Variants in ARHGEF9 observed in about 807,000 individuals in gnomAD.
ARHGEF9 encodes the protein Cdc42 guanine nucleotide exchange factor 9, also known as rho guanine nucleotide exchange factor 9.
ARHGEF9 carries 2 observed loss-of-function variants against 41.3 expected under a neutral mutation model. The ratio of observed to expected loss-of-function variants is 0.05; its 90% CI spans 0.02 to 0.15. ARHGEF9 has a LOEUF of 0.15. ARHGEF9 is among the 10% of genes least tolerant of loss of function. The pLI is 1.00. For synonymous variants in ARHGEF9, 160 were observed against 154.4 expected (o/e 1.04, Z -0.27); for missense variants, 225 against 424.7 (o/e 0.53, Z 4.13).
chrX:63,695,616 G>T (rs781908439), intron 4 of ARHGEF9, among the ~76,000 whole-genome samples: 3 of 111,740 alleles, frequency 2.7e-5, no homozygotes, highest in African/African-American at 9.8e-5. Flanking sequence ...AAGAGTTATC[G>T]TATCAGGCCT....
At position 63,638,135 on chromosome X, in the gene ARHGEF9, C is replaced by G. The variant is rs369081815; in HGVS notation, c.1465G>C (p.Val489Leu). 1.7e-5 allele frequency: 21 copies of G among 1,205,455 alleles called. No individual in the cohort carries two copies. The highest frequency in any genetic ancestry group is 1.9e-5 in the Non-Finnish European group (17 of 892,622). The change falls in exon 10 of 10, where the codon GTC (valine) becomes CTC (leucine). Residue 489 changes from valine to leucine, a missense_variant. This residue lies in a region of ARHGEF9 where 75 missense variants were observed against 113.2 expected (regional missense o/e 0.66). Transcript: ENST00000671741. ...TGCGACTGAGCGATGCCGTCGGGGA[C>G]CAGGTACTGGCCGTGGTTTAACGGG... ...QDPLNHGQYL[V>L]PDGIAQSQVF...
chrX:63,724,805 C>A, intron 1 of ARHGEF9, 94 bp from the exon 2 acceptor site: 2 of 899,851 alleles, frequency 2.2e-6, no homozygotes, highest in South Asian at 4.1e-5. Context: ...CAGAGAAACT[C>A]ATATACTCAA....
At chrX:63,644,167 CAA>C (rs35995120) in intron 8 of ARHGEF9, 119 bp from the exon 9 acceptor site, 1,980 of 345,237 alleles carry the variant, frequency 5.7e-3, no homozygotes, top group Middle Eastern at 0.012. Flanking sequence ...TCTTGAAATA[CAA>C]AAAAAAAAAA....
chrX:63,780,515 AT>A (rs1340990174), intron 1 of ARHGEF9, among the ~76,000 whole-genome samples: 14 of 111,128 alleles, frequency 1.3e-4, no homozygotes, highest in East Asian at 2.8e-4. Flanking sequence ...GCTATAGATA[AT>A]TTTTTTTAAG....
intron 1 of ARHGEF9, among the ~76,000 whole-genome samples, chrX:63,777,203 C>G (rs1172698882): frequency 4.5e-5 from 5 of 111,387 alleles, no homozygotes; most frequent in African/African-American, 1.6e-4. Flanking sequence ...GGGAAGCAAA[C>G]ACATCATTAT....
In ARHGEF9 at chrX:63,637,727, G is replaced by A. The variant is rs1385952608; in HGVS notation, c.*301C>T. 4.3e-6 allele frequency: 1 copy of A among 234,621 alleles called. No individual in the cohort carries two copies. Among genetic ancestry groups the A allele is most frequent in the African/African-American group, 2.9e-5 (1 of 34,826 alleles). The allele number at this position is 234,621 out of a possible 1,213,427, so 19.3% of individuals were successfully genotyped here. A position where few individuals can be genotyped will look rare whatever the true frequency, so the allele number is the denominator to read the frequency against. ...TGAAAGCAAAGGGAAGGGGGACAGG[G>A]TAAAAATGGAAAACTTTTAAGACGG... On this transcript the variant is annotated 3_prime_UTR_variant, in exon 10 of 10. Transcript: ENST00000671741.
chrX:63,713,881 C>T (rs2053122923), intron 2 of ARHGEF9, among the ~76,000 whole-genome samples: 1 of 111,266 alleles, frequency 9.0e-6, no homozygotes, highest in African/African-American at 3.3e-5. Flanking sequence ...AACTACTCCT[C>T]TACCCCTCAA....
chrX:63,659,756 A>G (rs782207271), intron 7 of ARHGEF9, among the ~76,000 whole-genome samples: 1 of 111,646 alleles, frequency 9.0e-6, no homozygotes, highest in Non-Finnish European at 1.9e-5. Context: ...AAGAACAACA[A>G]TAATAGCAAC....
chrX:63,751,839 C>T (rs1355694742), intron 1 of ARHGEF9, among the ~76,000 whole-genome samples: 1 of 110,061 alleles, frequency 9.1e-6, no homozygotes, highest in South Asian at 4.0e-4. Context: ...AGTGTGCTCC[C>T]CCCCACACAC....
At chrX:63,754,401 G>T in intron 1 of ARHGEF9, 1 of 1,183,730 alleles carries the variant, frequency 8.4e-7, no homozygotes, top group Non-Finnish European at 1.1e-6. Flanking sequence ...CCCTGTCTCT[G>T]TCTGTGATTT....
Position 63,752,723 on chromosome X carries a change from G to A in ARHGEF9, c.31-28012C>T, listed in dbSNP as rs188221059. On this transcript the variant is annotated intron_variant, in intron 1 of 9. Coordinates refer to ENST00000671741, the MANE Select transcript of ARHGEF9 (RefSeq NM_001353921.2). The stretch of plus-strand genomic sequence containing the variant: ...TTTGAGGCCCAAAACACCCTCTGAC[G>A]CCATTAAATAATACTCTCTGGGTCC... Among the ~76,000 whole-genome samples, 13 of 111,728 alleles carry A rather than the reference G, an allele frequency of 1.2e-4. No homozygotes were observed. In the East Asian group the frequency reaches 2.5e-3, roughly 22 times the overall value.
In ARHGEF9 at chrX:63,637,274, T is replaced by C. The variant is rs2047355965; in HGVS notation, c.*754A>G. ...GCATCATCATAGTCTGATACTCCCT[T>C]GCTTCTGTTTGGTTTTTTGATCCCT... On this transcript the variant is annotated 3_prime_UTR_variant, in exon 10 of 10. Coordinates refer to ENST00000671741, the MANE Select transcript of ARHGEF9 (RefSeq NM_001353921.2). 3.4e-6 allele frequency: 1 copy of C among 297,240 alleles called. No homozygotes were observed. 24.5% of individuals were successfully genotyped at this position (297,240 alleles called of 1,213,427 possible).
In ARHGEF9 at chrX:63,772,416, C is replaced by T. The variant is rs191865163; in HGVS notation, c.30+12700G>A. 1.1e-3 allele frequency among the ~76,000 whole-genome samples: 121 copies of T among 111,850 alleles called. 1 individual carries two copies. Among genetic ancestry groups the T allele is most frequent in the Middle Eastern group, 4.6e-3 (1 of 217 alleles). ...GTATCACAAAGCAGACCCTATCATT[C>T]CACTCTTTCGAACACTTCCTATTGT... On this transcript the variant is annotated intron_variant, in intron 1 of 9. Coordinates refer to ENST00000671741, the MANE Select transcript of ARHGEF9 (RefSeq NM_001353921.2).
At chrX:63,768,854 C>A (rs782279046) in intron 1 of ARHGEF9, among the ~76,000 whole-genome samples, 4 of 112,077 alleles carry the variant, frequency 3.6e-5, no homozygotes, top group Non-Finnish European at 3.8e-5. Flanking sequence ...ACTTGTAAGA[C>A]CTCCCCAGCC....
chrX:63,771,397 G>A (rs1556454756), intron 1 of ARHGEF9, among the ~76,000 whole-genome samples: 1 of 111,720 alleles, frequency 9.0e-6, no homozygotes. Context: ...AAGGCATGAT[G>A]GTCAATTTTA....
At chrX:63,740,788 G>C (rs1278906823) in intron 1 of ARHGEF9, among the ~76,000 whole-genome samples, 13 of 111,654 alleles carry the variant, frequency 1.2e-4, no homozygotes, top group African/African-American at 4.2e-4. Context: ...TCAGCCTTAG[G>C]TACCAAGGAC....
chrX:63,724,752 A>C (rs1265683672), intron 1 of ARHGEF9, 41 bp from the exon 2 acceptor site: 4 of 1,168,118 alleles, frequency 3.4e-6, no homozygotes, highest in Non-Finnish European at 4.7e-6. Flanking sequence ...CCACACAGCT[A>C]CCTTGCTTGC....
intron 1 of ARHGEF9, among the ~76,000 whole-genome samples, chrX:63,776,805 C>T (rs1279715056): frequency 8.9e-6 from 1 of 111,845 alleles, no homozygotes; most frequent in Admixed American, 9.5e-5. Context: ...CTCACTTTCC[C>T]AAGCTGTACG....
intron 1 of ARHGEF9, among the ~76,000 whole-genome samples, chrX:63,739,037 C>T (rs1452342431): frequency 8.9e-6 from 1 of 111,803 alleles, no homozygotes; most frequent in Non-Finnish European, 1.9e-5. Flanking sequence ...AAATGGTCTC[C>T]AGAGACACTC....
Sources: allele counts gnomAD v4.1 joint callset (sites outside exome capture counted in the v4.1 genomes callset), GRCh38; gene constraint gnomAD v4.1.1; regional missense constraint gnomAD v4.1.1; transcripts MANE v1.5; gene names NCBI Gene and HGNC (gene_info 2026-07-23, HGNC 2026-07-21).